Variants in KIRREL3 observed in about 807,000 individuals in gnomAD.
KIRREL3 encodes the protein kin of IRRE-like protein 3.
A neutral mutation model predicts 89.7 loss-of-function variants in KIRREL3; 36 were observed. The ratio of observed to expected loss-of-function variants is 0.40; its 90% CI spans 0.31 to 0.53. KIRREL3 has a LOEUF of 0.53. KIRREL3 is among the 20% of genes least tolerant of loss of function. The pLI, the probability that KIRREL3 is intolerant of heterozygous loss-of-function variation, is 0.49. For synonymous variants in KIRREL3, 445 were observed against 441.4 expected (o/e 1.01, Z -0.10); for missense variants, 864 against 1,056.6 (o/e 0.82, Z 2.53).
rs941864991 is a variant in KIRREL3, at chr11:126,569,878, T to C, written c.56-6966A>G. ...ATTCTGCCCAGCGATGCCATTCTGATTGCAGAATGATGGGGTCTTCTGTTT... is the reference window on the plus strand; with the variant it reads ...ATTCTGCCCAGCGATGCCATTCTGACTGCAGAATGATGGGGTCTTCTGTTT... On this transcript the variant is annotated intron_variant, in intron 1 of 16. Transcript: ENST00000525144. The surrounding 1 kb of genome is among the most constrained non-coding windows in gnomAD (Gnocchi z 6.5). 1.3e-5 allele frequency among the ~76,000 whole-genome samples: 2 copies of C among 152,208 alleles called. No homozygotes were observed. Among genetic ancestry groups the C allele is most frequent in the African/African-American group, 4.8e-5 (2 of 41,448 alleles).
intron 2 of KIRREL3, among the ~76,000 whole-genome samples, chr11:126,536,801 T>C (rs1367811155): frequency 6.6e-6 from 1 of 152,140 alleles, no homozygotes; most frequent in Non-Finnish European, 1.5e-5. Flanking sequence ...TGTGCCACTA[T>C]GCCTGGCTAA....
At chr11:126,911,793 C>T (rs1946827332) in intron 1 of KIRREL3, among the ~76,000 whole-genome samples, 1 of 151,828 alleles carries the variant, frequency 6.6e-6, no homozygotes, top group African/African-American at 2.4e-5. Flanking sequence ...ACCATCCTGG[C>T]TAACACGGTG....
rs151048113 is a variant in KIRREL3, at chr11:126,730,102, C to G, written c.56-167190G>C. On this transcript the variant is annotated intron_variant, in intron 1 of 16. Transcript: ENST00000525144. Reference sequence around the variant, plus strand: ...ATGTTGATGTCCCTAGGTTCTATCCCCAGCCGTCTTCTCATTCAGAATTCC... The same window carrying G: ...ATGTTGATGTCCCTAGGTTCTATCCGCAGCCGTCTTCTCATTCAGAATTCC... Among the ~76,000 whole-genome samples the G allele has an allele frequency of 2.5e-3, 374 of 152,316 alleles. 1 individual carries two copies. Among genetic ancestry groups the G allele is most frequent in the African/African-American group, 8.6e-3 (359 of 41,564 alleles).
rs150997138 is a variant in KIRREL3, at chr11:126,933,587, A to T, written c.55+66868T>A. Among the ~76,000 whole-genome samples, 7 of 152,112 alleles carry T rather than the reference A, an allele frequency of 4.6e-5. No homozygotes were observed. The East Asian group carries it at 1.2e-3, about 25-fold the overall frequency. On this transcript the variant is annotated intron_variant, in intron 1 of 16. Transcript: ENST00000525144. Reference sequence around the variant, plus strand: ...AATCTACAAAAAAATCACTAGAACTAATAAATGAAGTCAGCAAGTTCACAA... The same window carrying T: ...AATCTACAAAAAAATCACTAGAACTTATAAATGAAGTCAGCAAGTTCACAA...
rs1246765425 is a variant in KIRREL3, at chr11:126,923,129, C to CTCCTTCTCCTTCTCCTTCTCCTTCTCCT, written c.55+77325_55+77326insAGGAGAAGGAGAAGGAGAAGGAGAAGGA. Among the ~76,000 whole-genome samples, 4 of 25,732 alleles carry CTCCTTCTCCTTCTCCTTCTCCTTCTCCT rather than the reference C, an allele frequency of 1.6e-4. 1 individual carries two copies. The highest frequency in any genetic ancestry group is 2.3e-4 in the Non-Finnish European group (3 of 12,876). 16.9% of individuals were successfully genotyped at this position (25,732 alleles called of 152,430 possible). A position where few individuals can be genotyped will look rare whatever the true frequency, so the allele number is the denominator to read the frequency against. Reference sequence around the variant, plus strand: ...CCTTCTCCTTCTCCTTCTCCTTCTTCTCTTCTTCTTCTTCTTCTTCTTCTT... The same window carrying CTCCTTCTCCTTCTCCTTCTCCTTCTCCT: ...CCTTCTCCTTCTCCTTCTCCTTCTTCTCCTTCTCCTTCTCCTTCTCCTTCTCCTTCTTCTTCTTCTTCTTCTTCTTCTT... On this transcript the variant is annotated intron_variant, in intron 1 of 16. Transcript: ENST00000525144.
At position 126,535,651 on chromosome 11, in the gene KIRREL3, C is replaced by G. The variant is rs956575235; in HGVS notation, c.134-8964G>C. Among the ~76,000 whole-genome samples the G allele has an allele frequency of 1.3e-5, 2 of 152,080 alleles. No homozygotes were observed. Among genetic ancestry groups the G allele is most frequent in the African/African-American group, 4.8e-5 (2 of 41,416 alleles). ...GGCCTCAACCCCACCTTTTCTCCAG[C>G]CAGACATTTGCTGCTTCTATTCCTT... On this transcript the variant is annotated intron_variant, in intron 2 of 16. Coordinates refer to ENST00000525144, the MANE Select transcript of KIRREL3 (RefSeq NM_032531.4). This position sits in a 1 kb window ranked among gnomAD's most constrained non-coding sequence, Gnocchi z 4.5.
intron 1 of KIRREL3, among the ~76,000 whole-genome samples, chr11:126,725,528 T>C (rs1948344994): frequency 6.6e-6 from 1 of 152,234 alleles, no homozygotes; most frequent in Admixed American, 6.5e-5. Flanking sequence ...CCCATGGGTT[T>C]GCCCCCGCTC....
rs1362096277 is a variant in KIRREL3, at chr11:126,708,197, C to G, written c.56-145285G>C. 6.6e-6 allele frequency among the ~76,000 whole-genome samples: 1 copy of G among 152,178 alleles called. No individual in the cohort carries two copies. Among genetic ancestry groups the G allele is most frequent in the African/African-American group, 2.4e-5 (1 of 41,432 alleles). On this transcript the variant is annotated intron_variant, in intron 1 of 16. Transcript: ENST00000525144. This position sits in a 1 kb window ranked among gnomAD's most constrained non-coding sequence, Gnocchi z 5.7. ...TTCATGCCGCCTGGAAACTCATCTG[C>G]CTGTGCCGCTGCTTTTTCCTGGCAG...
intron 1 of KIRREL3, among the ~76,000 whole-genome samples, chr11:126,930,615 C>G (rs948125): frequency 0.019 from 2,953 of 152,284 alleles, 109 homozygotes; most frequent in East Asian, 0.14. Context: ...GCTAAGGAAG[C>G]CTGCTGAAGA....
rs756771713 is a variant in KIRREL3 at position 126,440,522 on chromosome 11, G to C, written c.1280C>G (p.Thr427Ser). 1.4e-5 allele frequency: 23 copies of C among 1,601,868 alleles called. No individual in the cohort carries two copies. Among genetic ancestry groups the C allele is most frequent in the Admixed American group, 3.4e-5 (2 of 58,302 alleles). Residue 427 changes from threonine to serine, a missense_variant, in exon 11 of 17, where the codon ACC (threonine) becomes AGC (serine). Physicochemically the swap from Thr to Ser is moderately conservative, Grantham distance 58 (BLOSUM62 1). Coordinates refer to ENST00000525144, the MANE Select transcript of KIRREL3 (RefSeq NM_032531.4). ...NGPPIISSTQ[T>S]QHALHGEKGQ... ...CTTCTCGCCGTGGAGGGCGTGCTGG[G>C]TCTGGGTGCTGGAGATGATGGGGGG...
chr11:126,631,618 G>A (rs1475153379), intron 1 of KIRREL3, among the ~76,000 whole-genome samples: 1 of 152,194 alleles, frequency 6.6e-6, no homozygotes, highest in East Asian at 1.9e-4. Context: ...TCACCCTGAG[G>A]TGATTTGCAT....
rs1370284626 is a variant in KIRREL3 at position 126,990,497 on chromosome 11, C to G, written c.55+9958G>C. 6.6e-6 allele frequency among the ~76,000 whole-genome samples: 1 copy of G among 152,326 alleles called. No homozygotes were observed. The highest frequency in any genetic ancestry group is 1.9e-4 in the East Asian group (1 of 5,186). ...TTTCCCCTTCCCCGTCCTAAGGGAC[C>G]TCCCGGGCTCTGCTCTCTCTGGGCA... On this transcript the variant is annotated intron_variant, in intron 1 of 16. Coordinates refer to ENST00000525144, the MANE Select transcript of KIRREL3 (RefSeq NM_032531.4). The surrounding 1 kb of genome is among the most constrained non-coding windows in gnomAD (Gnocchi z 6.3).
At position 126,492,626 on chromosome 11, in the gene KIRREL3, C is replaced by T. The variant is rs980840095; in HGVS notation, c.434-19160G>A. Among the ~76,000 whole-genome samples the T allele has an allele frequency of 1.3e-5, 2 of 152,162 alleles. No homozygotes were observed. The highest frequency in any genetic ancestry group is 4.8e-5 in the African/African-American group (2 of 41,432). ...TCAGCTGTTGGAGGGGAACAGCCACCAGGCCATTTTTATGACTTCCTATCA... is the reference window on the plus strand; with the variant it reads ...TCAGCTGTTGGAGGGGAACAGCCACTAGGCCATTTTTATGACTTCCTATCA... On this transcript the variant is annotated intron_variant, in intron 4 of 16. Coordinates refer to ENST00000525144, the MANE Select transcript of KIRREL3 (RefSeq NM_032531.4). This position sits in a 1 kb window ranked among gnomAD's most constrained non-coding sequence, Gnocchi z 4.8.
In KIRREL3 at chr11:126,796,964, G is replaced by A. The variant is rs1050003203; in HGVS notation, c.55+203491C>T. 6.6e-6 allele frequency among the ~76,000 whole-genome samples: 1 copy of A among 152,222 alleles called. No homozygotes were observed. The highest frequency in any genetic ancestry group is 6.5e-5 in the Admixed American group (1 of 15,288). The stretch of plus-strand genomic sequence containing the variant: ...AGCACAGAGCAGGAAGTGGGGAAGG[G>A]ACCAGGGAGAATGTTTCTGGGGTGG... On this transcript the variant is annotated intron_variant, in intron 1 of 16. Coordinates refer to ENST00000525144, the MANE Select transcript of KIRREL3 (RefSeq NM_032531.4). This position sits in a 1 kb window ranked among gnomAD's most constrained non-coding sequence, Gnocchi z 5.1.
chr11:126,858,250 T>C (rs1377507287), intron 1 of KIRREL3, among the ~76,000 whole-genome samples: 9 of 152,234 alleles, frequency 5.9e-5, no homozygotes, highest in Admixed American at 5.9e-4. Context: ...CGTTGACGGC[T>C]GCTCTGGAGC....
chr11:126,942,840 A>G (rs1948499015), intron 1 of KIRREL3, among the ~76,000 whole-genome samples: 1 of 151,906 alleles, frequency 6.6e-6, no homozygotes, highest in African/African-American at 2.4e-5. Flanking sequence ...TTTCCATGCA[A>G]TCTCCCTTTT....
chr11:126,852,785 G>C (rs1056538169), intron 1 of KIRREL3, among the ~76,000 whole-genome samples: 35 of 152,222 alleles, frequency 2.3e-4, no homozygotes, highest in African/African-American at 8.4e-4. Flanking sequence ...CCCCCGGCAA[G>C]GCAATGGCAG....
rs185857955 is a variant in KIRREL3, at chr11:126,695,147, C to T, written c.56-132235G>A. 7.2e-5 allele frequency among the ~76,000 whole-genome samples: 11 copies of T among 152,242 alleles called. No individual in the cohort carries two copies. In the East Asian group the frequency reaches 1.5e-3, roughly 21 times the overall value. ...AAAGAGACCGTGGGGCCCACAAAGC[C>T]GAAAGTATTTACTTTTTGGCCCTTT... On this transcript the variant is annotated intron_variant, in intron 1 of 16. Transcript: ENST00000525144.
chr11:126,558,817 C>T lies in KIRREL3; in HGVS notation c.133+4018G>A, dbSNP rs535104882. On this transcript the variant is annotated intron_variant, in intron 2 of 16. Transcript: ENST00000525144. This position sits in a 1 kb window ranked among gnomAD's most constrained non-coding sequence, Gnocchi z 4.0. Reference sequence around the variant, plus strand: ...AGGAAGGGGAGGTGAAGGTTGTGTGCGTGTGTGCACACATGTGGGTGTATG... The same window carrying T: ...AGGAAGGGGAGGTGAAGGTTGTGTGTGTGTGTGCACACATGTGGGTGTATG... 1.7e-3 allele frequency among the ~76,000 whole-genome samples: 255 copies of T among 151,294 alleles called. No homozygotes were observed. Among genetic ancestry groups the T allele is most frequent in the South Asian group, 3.6e-3 (17 of 4,736 alleles).
Sources: allele counts gnomAD v4.1 joint callset (sites outside exome capture counted in the v4.1 genomes callset), GRCh38; gene constraint gnomAD v4.1.1; non-coding constraint Gnocchi (gnomAD v3.1); transcripts MANE v1.5; gene names NCBI Gene and HGNC (gene_info 2026-07-23, HGNC 2026-07-21).